Variants in APBA2 observed in about 807,000 individuals in gnomAD.
APBA2 encodes the protein amyloid beta precursor protein binding family A member 2.
Under a neutral mutation model 75.0 loss-of-function variants are expected in APBA2, and 30 were observed. That is an observed-to-expected ratio of 0.40 (90% CI 0.30 to 0.54). The LOEUF (loss-of-function observed/expected upper bound fraction) is 0.54, where lower values mean the gene tolerates loss of function less well. Among genes scored for constraint, APBA2 ranks in the 20% least tolerant of loss-of-function variants. APBA2 has a pLI of 0.49. For synonymous variants in APBA2, 444 were observed against 409.6 expected, an observed-to-expected ratio of 1.08 and a Z score of -1.01; for missense variants, 801 against 1,016.1, an observed-to-expected ratio of 0.79 and a Z score of 2.88.
chr15:29,080,240 G>A (rs950930550), intron 6 of APBA2, among the ~76,000 whole-genome samples: 1 of 152,128 alleles, frequency 6.6e-6, no homozygotes, highest in African/African-American at 2.4e-5. Flanking sequence ...AGTGAATCCC[G>A]GGCCGAAGGT....
intron 4 of APBA2, among the ~76,000 whole-genome samples, chr15:29,069,372 C>T (rs2042518242): frequency 6.6e-6 from 1 of 152,212 alleles, no homozygotes; most frequent in Admixed American, 6.5e-5. Flanking sequence ...TTGGGTGTAT[C>T]ACTAGGAGTG....
chr15:29,103,769 A>G (rs2044252467), intron 10 of APBA2, among the ~76,000 whole-genome samples: 1 of 152,180 alleles, frequency 6.6e-6, no homozygotes, highest in Non-Finnish European at 1.5e-5. Flanking sequence ...CGTCCTTCCC[A>G]GCCAGGTGGC....
intron 13 of APBA2, among the ~76,000 whole-genome samples, chr15:29,110,905 C>T (rs973732376): frequency 1.3e-5 from 2 of 152,090 alleles, no homozygotes; most frequent in South Asian, 4.1e-4. Context: ...GGGACCAGGG[C>T]TCGCTCCAGC....
intron 8 of APBA2, among the ~76,000 whole-genome samples, chr15:29,094,911 T>C (rs1401730336): frequency 2.6e-5 from 4 of 151,466 alleles, no homozygotes; most frequent in African/African-American, 9.7e-5. Context: ...TTTTTTTTTT[T>C]TTTTAATTAG....
intron 3 of APBA2, 25 bp from the exon 4 acceptor site, chr15:29,053,820 T>C (rs1595844611): frequency 2.1e-6 from 3 of 1,460,756 alleles, no homozygotes; most frequent in Non-Finnish European, 2.8e-6. Context: ...TTTGACTCTG[T>C]CCTTCCCAAT....
intron 2 of APBA2, chr15:28,970,264 C>G (rs966602224): frequency 6.6e-6 from 1 of 151,678 alleles, no homozygotes; most frequent in Non-Finnish European, 1.5e-5. Flanking sequence ...CAAAATAAAA[C>G]TTATGTTAAT....
intron 2 of APBA2, among the ~76,000 whole-genome samples, chr15:28,970,741 AT>A (rs984923358): frequency 6.7e-5 from 10 of 148,944 alleles, no homozygotes; most frequent in African/African-American, 1.2e-4. Context: ...GAACATTCTC[AT>A]TTTTTTTTGT....
At chr15:28,958,249 G>C (rs2036278492) in intron 2 of APBA2, among the ~76,000 whole-genome samples, 1 of 152,198 alleles carries the variant, frequency 6.6e-6, no homozygotes, top group Non-Finnish European at 1.5e-5. Context: ...ACATGCCTAG[G>C]AGGAGGGGCC....
intron 2 of APBA2, among the ~76,000 whole-genome samples, chr15:28,972,799 G>C (rs144743241): frequency 1.1e-3 from 170 of 152,272 alleles, no homozygotes; most frequent in African/African-American, 4.0e-3. Context: ...TAATAAAACT[G>C]ACTGAAAGTC....
intron 4 of APBA2, among the ~76,000 whole-genome samples, chr15:29,065,874 T>C (rs1488604547): frequency 6.6e-6 from 1 of 152,172 alleles, no homozygotes; most frequent in Non-Finnish European, 1.5e-5. Flanking sequence ...GTCCCACGGG[T>C]GGCCTGCCTG....
chr15:28,957,266 G>A (rs28682308), intron 2 of APBA2, among the ~76,000 whole-genome samples: 16,934 of 151,820 alleles, frequency 0.11, 2,896 homozygotes, highest in African/African-American at 0.37. Flanking sequence ...TAGTAGAGAC[G>A]GGGTTTCACT....
At chr15:29,041,477 T>C (rs999732546) in intron 3 of APBA2, among the ~76,000 whole-genome samples, 8 of 143,196 alleles carry the variant, frequency 5.6e-5, no homozygotes, top group Non-Finnish European at 1.1e-4. Context: ...AGCAAGACCC[T>C]GTCTCAGAAA....
intron 1 of APBA2, among the ~76,000 whole-genome samples, chr15:28,908,727 T>C (rs1370695917): frequency 6.6e-6 from 1 of 152,208 alleles, no homozygotes. Flanking sequence ...GACACCGCTC[T>C]CCTGGCATCT....
chr15:29,110,536 C>T (rs762991098), intron 13 of APBA2, among the ~76,000 whole-genome samples: 2 of 152,206 alleles, frequency 1.3e-5, no homozygotes, highest in African/African-American at 2.4e-5. Context: ...GCTACCTACT[C>T]GTAGGGCCTG....
Position 29,037,445 on chromosome 15 carries a change from C to A in APBA2, c.-40-16400C>A, listed in dbSNP as rs139027520. ...TGATGTGAATCATCGTGTGAGATTA[C>A]AGGTTGCCCATCACCATGGCCAGTG... On this transcript the variant is annotated intron_variant, in intron 3 of 14. Coordinates refer to ENST00000683413, the MANE Select transcript of APBA2 (RefSeq NM_001353788.2). Among the ~76,000 whole-genome samples the A allele has an allele frequency of 6.2e-3, 945 of 152,246 alleles. 5 individuals carry two copies. Among genetic ancestry groups the A allele is most frequent in the Middle Eastern group, 0.017 (5 of 294 alleles).
At chr15:28,909,192 G>A (rs1263288991) in intron 1 of APBA2, among the ~76,000 whole-genome samples, 9 of 151,442 alleles carry the variant, frequency 5.9e-5, no homozygotes, top group South Asian at 2.1e-4. Context: ...GGGTTTCACC[G>A]TGTTAGCCAG....
chr15:28,895,402 G>A (rs927503147), intron 1 of APBA2: 6 of 152,390 alleles, frequency 3.9e-5, no homozygotes, highest in African/African-American at 1.4e-4. Context: ...AGTGCCGCAG[G>A]ATGATGGGCT....
chr15:28,993,951 CTT>C (rs945696743), intron 2 of APBA2, among the ~76,000 whole-genome samples: 1 of 152,326 alleles, frequency 6.6e-6, no homozygotes, highest in African/African-American at 2.4e-5. Flanking sequence ...GCAGGCCTGA[CTT>C]TCTCACTGAT....
At chr15:28,945,338 C>T (rs1244463752) in intron 2 of APBA2, among the ~76,000 whole-genome samples, 1 of 152,132 alleles carries the variant, frequency 6.6e-6, no homozygotes, top group Non-Finnish European at 1.5e-5. Flanking sequence ...CATTGATTCT[C>T]GCAGCTGTCC....
Sources: gnomAD v4.1 joint callset for allele counts (sites outside exome capture counted in the v4.1 genomes callset) on GRCh38, gnomAD v4.1.1 for gene constraint, MANE v1.5 for transcripts, NCBI Gene and HGNC (gene_info 2026-07-23, HGNC 2026-07-21) for gene names.